SLC35F3: variants seen among roughly 807,000 people sequenced by gnomAD.
SLC35F3 encodes putative thiamine transporter SLC35F3.
Under a neutral mutation model 49.9 loss-of-function variants are expected in SLC35F3, and 25 were observed. The observed-to-expected ratio is 0.50, with a 90% CI of 0.37 to 0.70. SLC35F3 has a LOEUF of 0.70. SLC35F3 is among the 30% of genes least tolerant of loss of function. The pLI, the probability that SLC35F3 is intolerant of heterozygous loss-of-function variation, is 0.00. For synonymous variants in SLC35F3, 275 were observed against 265.4 expected, an observed-to-expected ratio of 1.04 and a Z score of -0.35; for missense variants, 525 against 639.8, an observed-to-expected ratio of 0.82 and a Z score of 1.94.
intron 2 of SLC35F3, among the ~76,000 whole-genome samples, chr1:233,982,995 G>A (rs946429281): frequency 6.6e-6 from 1 of 152,132 alleles, no homozygotes; most frequent in Non-Finnish European, 1.5e-5. Context: ...GAGCAGGCGC[G>A]TGCCAGGTGT....
intron 2 of SLC35F3, among the ~76,000 whole-genome samples, chr1:233,988,831 T>A (rs1371179459): frequency 6.6e-6 from 1 of 152,188 alleles, no homozygotes; most frequent in South Asian, 2.1e-4. Flanking sequence ...ATGTTTCTCC[T>A]TAAGTTTCAA....
At position 233,935,513 on chromosome 1, in the gene SLC35F3, AT is replaced by A. The variant is rs1049815865; in HGVS notation, c.283+29764del. Among the ~76,000 whole-genome samples the A allele has an allele frequency of 1.9e-4, 29 of 151,080 alleles. No homozygotes were observed. In the South Asian group the frequency reaches 5.9e-3, roughly 31 times the overall value. Reference sequence around the variant, plus strand: ...CCTACTCCTAACCCAGAAGCAACCGATTTTTTTTTCCTTGGCCCTAGGTTGA... The same window carrying A: ...CCTACTCCTAACCCAGAAGCAACCGATTTTTTTTCCTTGGCCCTAGGTTGA... On this transcript the variant is annotated intron_variant, in intron 2 of 7. Coordinates refer to ENST00000366618, the MANE Select transcript of SLC35F3 (RefSeq NM_173508.4).
At chr1:234,308,091 C>T (rs900212241) in intron 3 of SLC35F3, among the ~76,000 whole-genome samples, 1 of 152,166 alleles carries the variant, frequency 6.6e-6, no homozygotes, top group East Asian at 1.9e-4. Flanking sequence ...CTCATTCCCG[C>T]GTTAGACTCT....
At chr1:233,996,945 C>T (rs903094220) in intron 2 of SLC35F3, among the ~76,000 whole-genome samples, 1 of 152,128 alleles carries the variant, frequency 6.6e-6, no homozygotes, top group African/African-American at 2.4e-5. Context: ...TTGTAACCAC[C>T]ATTTTATATT....
chr1:234,123,892 C>T (rs1415207000), intron 2 of SLC35F3, among the ~76,000 whole-genome samples: 2 of 152,172 alleles, frequency 1.3e-5, no homozygotes, highest in African/African-American at 2.4e-5. Flanking sequence ...TTTAAGACAG[C>T]ATTTGTTCTG....
chr1:234,323,386 C>T lies in SLC35F3; in HGVS notation c.*143C>T. 1 of 681,930 alleles carries T rather than the reference C, an allele frequency of 1.5e-6. No individual in the cohort carries two copies. The highest frequency in any genetic ancestry group is 1.9e-5 in the South Asian group (1 of 51,798). The allele number at this position is 681,930 out of a possible 1,614,324, so 42.2% of individuals were successfully genotyped here. ...GGTATTTATTGGCATGTCCAATTTG[C>T]TTGCACTTTTCCACATCAGACCTTC... On this transcript the variant is annotated 3_prime_UTR_variant, in exon 8 of 8. Transcript: ENST00000366618. The surrounding 1 kb of genome is among the most constrained non-coding windows in gnomAD (Gnocchi z 4.5).
At chr1:234,239,752 G>A (rs1340713208) in intron 3 of SLC35F3, among the ~76,000 whole-genome samples, 1 of 152,250 alleles carries the variant, frequency 6.6e-6, no homozygotes, top group African/African-American at 2.4e-5. Flanking sequence ...GGGACATTGT[G>A]ATAGATGATA....
intron 2 of SLC35F3, among the ~76,000 whole-genome samples, chr1:234,223,208 G>A (rs1456911358): frequency 6.6e-6 from 1 of 152,204 alleles, no homozygotes; most frequent in East Asian, 1.9e-4. Context: ...ACCTTTGAGA[G>A]TTATTCGGGA....
chr1:234,059,536 G>C (rs1664506848), intron 2 of SLC35F3, among the ~76,000 whole-genome samples: 1 of 151,850 alleles, frequency 6.6e-6, no homozygotes, highest in East Asian at 2.0e-4. Flanking sequence ...TATTAGTCAG[G>C]GTTCTCTTAG....
chr1:234,014,541 C>T (rs1382093821), intron 2 of SLC35F3, among the ~76,000 whole-genome samples: 1 of 152,134 alleles, frequency 6.6e-6, no homozygotes, highest in Admixed American at 6.5e-5. Context: ...TAAATTGTCC[C>T]TGTTTGCAGA....
chr1:234,056,524 TC>T (rs1664459103), intron 2 of SLC35F3, among the ~76,000 whole-genome samples: 1 of 152,144 alleles, frequency 6.6e-6, no homozygotes, highest in Non-Finnish European at 1.5e-5. Flanking sequence ...TACTTGCTAT[TC>T]CCCCCTCCAC....
chr1:234,001,569 G>A (rs143976432), intron 2 of SLC35F3, among the ~76,000 whole-genome samples: 1 of 152,306 alleles, frequency 6.6e-6, no homozygotes, highest in African/African-American at 2.4e-5. Flanking sequence ...AGGTATACAA[G>A]GTAGGTGTCA....
intron 2 of SLC35F3, among the ~76,000 whole-genome samples, chr1:234,054,931 G>C (rs1664432818): frequency 6.6e-6 from 1 of 152,192 alleles, no homozygotes; most frequent in South Asian, 2.1e-4. Flanking sequence ...GTTTGCCTGA[G>C]TATCACCAGC....
At chr1:234,053,803 T>G (rs1229701355) in intron 2 of SLC35F3, among the ~76,000 whole-genome samples, 1 of 152,222 alleles carries the variant, frequency 6.6e-6, no homozygotes, top group South Asian at 2.1e-4. Flanking sequence ...CCATGTTTAG[T>G]GCTTCCTTCA....
intron 2 of SLC35F3, among the ~76,000 whole-genome samples, chr1:234,054,063 CA>C (rs1664420082): frequency 1.3e-5 from 2 of 152,116 alleles, no homozygotes; most frequent in African/African-American, 4.8e-5. Flanking sequence ...TTCTCTCTGG[CA>C]CCCTTAACAT....
intron 2 of SLC35F3, among the ~76,000 whole-genome samples, chr1:233,927,210 C>G (rs1204538936): frequency 1.3e-5 from 2 of 152,108 alleles, no homozygotes; most frequent in Admixed American, 6.6e-5. Flanking sequence ...TTTCTATAAA[C>G]AAACAATCAT....
intron 2 of SLC35F3, among the ~76,000 whole-genome samples, chr1:234,230,353 T>G (rs976054681): frequency 6.6e-5 from 10 of 152,172 alleles, no homozygotes; most frequent in Admixed American, 3.3e-4. Context: ...GTTTAAGCAA[T>G]GTAGAGAAAG....
At chr1:234,129,041 C>T (rs35215441) in intron 2 of SLC35F3, among the ~76,000 whole-genome samples, 55,862 of 152,070 alleles carry the variant, frequency 0.37, 12,788 homozygotes, top group Non-Finnish European at 0.52. Flanking sequence ...ATTGATTTGT[C>T]GCAGTTGAAC....
chr1:233,985,168 T>G (rs988896829), intron 2 of SLC35F3, among the ~76,000 whole-genome samples: 1 of 152,190 alleles, frequency 6.6e-6, no homozygotes, highest in African/African-American at 2.4e-5. Flanking sequence ...CAAAGTTTCT[T>G]TCCTAGAAAA....
Sources: gnomAD v4.1 joint callset for allele counts (sites outside exome capture counted in the v4.1 genomes callset) on GRCh38, gnomAD v4.1.1 for gene constraint, Gnocchi (gnomAD v3.1) non-coding constraint, MANE v1.5 for transcripts, NCBI Gene and HGNC (gene_info 2026-07-23, HGNC 2026-07-21) for gene names.